Variants in ANKS1B observed in about 807,000 individuals in gnomAD.
ANKS1B encodes ankyrin repeat and sterile alpha motif domain containing 1B.
ANKS1B carries 36 observed loss-of-function variants against 148.3 expected under a neutral mutation model. That is an observed-to-expected ratio of 0.24 (90% CI 0.19 to 0.32). The LOEUF (loss-of-function observed/expected upper bound fraction) is 0.32. Among genes scored for constraint, ANKS1B ranks in the 10% least tolerant of loss-of-function variants. The pLI is 1.00. For missense variants in ANKS1B, 1,157 were observed against 1,542.6 expected, an observed-to-expected ratio of 0.75 and a Z score of 4.19; for synonymous variants, 542 against 560.8, an observed-to-expected ratio of 0.97 and a Z score of 0.47.
chr12:99,359,362 T>C (rs886087126), intron 12 of ANKS1B, among the ~76,000 whole-genome samples: 1 of 152,130 alleles, frequency 6.6e-6, no homozygotes, highest in African/African-American at 2.4e-5. Flanking sequence ...GATAGTTTCA[T>C]ACTCATTATT....
At chr12:99,954,799 C>T (rs1603492231) in intron 1 of ANKS1B, among the ~76,000 whole-genome samples, 1 of 152,100 alleles carries the variant, frequency 6.6e-6, no homozygotes, top group Non-Finnish European at 1.5e-5. Flanking sequence ...AACCCCACCC[C>T]GTCCCCAACA....
intron 16 of ANKS1B, among the ~76,000 whole-genome samples, chr12:99,082,826 G>A (rs932765212): frequency 6.6e-6 from 1 of 152,168 alleles, no homozygotes; most frequent in African/African-American, 2.4e-5. Flanking sequence ...ATGAATGGCA[G>A]CATGTGACAA....
rs551639896 is a variant in ANKS1B, at chr12:99,894,844, G to T, written c.135-69455C>A. Among the ~76,000 whole-genome samples the T allele has an allele frequency of 2.0e-5, 3 of 149,096 alleles. No individual in the cohort carries two copies. The South Asian group carries it at 6.4e-4, about 32-fold the overall frequency. ...TATCCAACAATTTATTATAAAATAG[G>T]CTTTGTGTTAGATGATTTTGGCTAA... On this transcript the variant is annotated intron_variant, in intron 1 of 26. Transcript: ENST00000683438.
At chr12:98,758,518 C>T (rs2098318002) in intron 25 of ANKS1B, among the ~76,000 whole-genome samples, 1 of 152,212 alleles carries the variant, frequency 6.6e-6, no homozygotes, top group Non-Finnish European at 1.5e-5. Flanking sequence ...GGCTGAGAGG[C>T]AGCCTCCAGG....
chr12:99,914,836 T>G (rs1248737030), intron 1 of ANKS1B, among the ~76,000 whole-genome samples: 2 of 152,136 alleles, frequency 1.3e-5, no homozygotes, highest in Admixed American at 1.3e-4. Context: ...CATGGAGACC[T>G]GGCAAAGGAC....
chr12:99,121,530 G>A (rs1462411291), intron 15 of ANKS1B, among the ~76,000 whole-genome samples: 3 of 152,066 alleles, frequency 2.0e-5, no homozygotes, highest in African/African-American at 7.2e-5. Context: ...CATACATACA[G>A]GTGAAAAAAG....
chr12:99,243,925 G>A (rs766748271), intron 14 of ANKS1B, among the ~76,000 whole-genome samples: 6 of 152,184 alleles, frequency 3.9e-5, no homozygotes, highest in East Asian at 1.9e-4. Context: ...TGTAAATGAC[G>A]AGTTGATGGG....
intron 1 of ANKS1B, among the ~76,000 whole-genome samples, chr12:99,890,422 T>G (rs1047999684): frequency 6.6e-6 from 1 of 152,196 alleles, no homozygotes; most frequent in Admixed American, 6.5e-5. Context: ...CTGCCTGGCA[T>G]GTGCTGTAGA....
intron 14 of ANKS1B, among the ~76,000 whole-genome samples, chr12:99,155,664 A>T (rs750279508): frequency 5.9e-5 from 9 of 152,218 alleles, no homozygotes; most frequent in Non-Finnish European, 1.3e-4. Flanking sequence ...GGGAGAAACC[A>T]GGGATTAAGA....
intron 13 of ANKS1B, 78 bp from the exon 14 acceptor site, chr12:99,244,492 A>G (rs951730869): frequency 2.1e-6 from 2 of 967,814 alleles, no homozygotes; most frequent in South Asian, 3.5e-5. Context: ...TTTCAAATGA[A>G]GGGAGCAAAT....
intron 17 of ANKS1B, among the ~76,000 whole-genome samples, chr12:99,043,373 T>C (rs1002101973): frequency 3.9e-5 from 6 of 152,234 alleles, no homozygotes; most frequent in Non-Finnish European, 7.3e-5. Context: ...CTCTCTTGAC[T>C]CATTTATAGA....
chr12:99,818,484 T>C (rs1180550100), intron 2 of ANKS1B, among the ~76,000 whole-genome samples: 1 of 151,826 alleles, frequency 6.6e-6, no homozygotes, highest in Non-Finnish European at 1.5e-5. Flanking sequence ...AAAAAAGAAA[T>C]ATTAAGTTAC....
rs117551815 is a variant in ANKS1B, at chr12:99,141,240, G to A, written c.2526+13049C>T. Reference sequence around the variant, plus strand: ...ACCCTTTAGCTATTAGTGTATTTCCGTACTCCCATTATCAGAAAAACTTCT... The same window carrying A: ...ACCCTTTAGCTATTAGTGTATTTCCATACTCCCATTATCAGAAAAACTTCT... On this transcript the variant is annotated intron_variant, in intron 15 of 26. Coordinates refer to ENST00000683438, the MANE Select transcript of ANKS1B (RefSeq NM_001352186.2). Among the ~76,000 whole-genome samples, 610 of 151,844 alleles carry A rather than the reference G, an allele frequency of 4.0e-3. 23 individuals carry two copies. In the East Asian group the frequency reaches 0.082, roughly 20 times the overall value.
chr12:99,281,098 G>T (rs986085064), intron 12 of ANKS1B, among the ~76,000 whole-genome samples: 8 of 152,070 alleles, frequency 5.3e-5, no homozygotes, highest in Non-Finnish European at 1.0e-4. Flanking sequence ...CTAGGGAAAG[G>T]TGGGGCCACA....
chr12:98,952,777 A>G (rs950521295), intron 17 of ANKS1B, among the ~76,000 whole-genome samples: 1 of 152,208 alleles, frequency 6.6e-6, no homozygotes, highest in Non-Finnish European at 1.5e-5. Flanking sequence ...TGCTCTCTGA[A>G]CAAACTTACT....
chr12:99,863,259 G>C (rs537986063), intron 1 of ANKS1B, among the ~76,000 whole-genome samples: 5 of 151,896 alleles, frequency 3.3e-5, no homozygotes, highest in African/African-American at 4.8e-5. Flanking sequence ...GTACCTTTAA[G>C]TCAACATTCC....
intron 9 of ANKS1B, among the ~76,000 whole-genome samples, chr12:99,540,200 T>C (rs2097111721): frequency 1.3e-5 from 2 of 151,922 alleles, no homozygotes; most frequent in Non-Finnish European, 2.9e-5. Context: ...AATAGACAAT[T>C]AAAAAATAAT....
At chr12:99,861,453 A>C (rs1009158733) in intron 1 of ANKS1B, among the ~76,000 whole-genome samples, 1 of 152,198 alleles carries the variant, frequency 6.6e-6, no homozygotes, top group African/African-American at 2.4e-5. Flanking sequence ...TTCATTTTCT[A>C]AAGAGTCTTG....
At chr12:98,749,244 A>G (rs1442806816) in intron 26 of ANKS1B, among the ~76,000 whole-genome samples, 1 of 148,412 alleles carries the variant, frequency 6.7e-6, no homozygotes, top group African/African-American at 2.5e-5. Context: ...GACTACAGGC[A>G]CCCACCACCA....
Sources: gnomAD v4.1 joint callset for allele counts (sites outside exome capture counted in the v4.1 genomes callset) on GRCh38, gnomAD v4.1.1 for gene constraint, MANE v1.5 for transcripts, NCBI Gene and HGNC (gene_info 2026-07-23, HGNC 2026-07-21) for gene names.